The following ZDHHC18 variants were observed in gnomAD, a reference collection of about 807,000 sequenced individuals.
ZDHHC18 encodes palmitoyltransferase ZDHHC18.
Under a neutral mutation model 37.5 loss-of-function variants are expected in ZDHHC18, and 23 were observed. The observed-to-expected ratio is 0.61, with a 90% CI of 0.44 to 0.87. The LOEUF is 0.87. Among genes scored for constraint, ZDHHC18 ranks in the 40% least tolerant of loss-of-function variants. The pLI, the probability that ZDHHC18 is intolerant of heterozygous loss-of-function variation, is 0.00. For synonymous variants in ZDHHC18, 185 were observed against 218.7 expected, an observed-to-expected ratio of 0.85 and a Z score of 1.36; for missense variants, 406 against 525.6, an observed-to-expected ratio of 0.77 and a Z score of 2.22.
chr1:26,829,905 A>G (rs184128373), intron 1 of ZDHHC18, among the ~76,000 whole-genome samples: 1 of 152,242 alleles, frequency 6.6e-6, no homozygotes, highest in Admixed American at 6.5e-5. Flanking sequence ...CAAGTCTTAG[A>G]TTTCAAGTCT....
chr1:26,826,928 G>A lies in ZDHHC18; in HGVS notation c.124G>A (p.Ala42Thr). 9.4e-7 allele frequency: 1 copy of A among 1,060,076 alleles called. No individual in the cohort carries two copies. Among genetic ancestry groups the A allele is most frequent in the Non-Finnish European group, 1.1e-6 (1 of 879,288 alleles). The allele number at this position is 1,060,076 out of a possible 1,614,324, so 65.7% of individuals were successfully genotyped here. The change falls in exon 1 of 8, where the codon GCC becomes ACC. Residue 42 changes from alanine (A) to threonine (T), a missense_variant. Ala to Thr is a moderately conservative substitution (Grantham distance 58). Transcript: ENST00000374142. The surrounding 1 kb of genome is among the most constrained non-coding windows in gnomAD (Gnocchi z 5.2). ...GGGCCCCGGGCCCGCGCCGCCCGCC[G>A]CCCCCGCCCCGCCGCGCTGGAGCAG... is the stretch of plus-strand genomic sequence containing the variant. ...TPGPGPAPPA[A>T]PAPPRWSSSG...
chr1:26,853,906 C>T lies in ZDHHC18; in HGVS notation c.*63C>T. On this transcript the variant is annotated 3_prime_UTR_variant, in exon 8 of 8. Transcript: ENST00000374142. Reference sequence around the variant, plus strand: ...CCCTCCGCACTCACCTGCCGGGACCCTCCCTATTCCATCCAAGGGAAGCAG... The same window carrying T: ...CCCTCCGCACTCACCTGCCGGGACCTTCCCTATTCCATCCAAGGGAAGCAG... 1 of 1,403,210 alleles carries T rather than the reference C, an allele frequency of 7.1e-7. No individual in the cohort carries two copies. Among genetic ancestry groups the T allele is most frequent in the Non-Finnish European group, 1.0e-6 (1 of 1,001,922 alleles). 86.9% of individuals were successfully genotyped at this position (1,403,210 alleles called of 1,614,324 possible).
In ZDHHC18 at chr1:26,827,087, G is replaced by A; in HGVS notation, c.283G>A (p.Ala95Thr). Residue 95 changes from alanine (A) to threonine (T), a missense_variant, in exon 1 of 8, where the codon GCG becomes ACG. Physicochemically the swap from Ala to Thr is moderately conservative, Grantham distance 58. Coordinates refer to ENST00000374142, the MANE Select transcript of ZDHHC18 (RefSeq NM_032283.3). ...LMLAGHGGVF[A>T]LTLLLILTTT... Reference sequence around the variant, plus strand: ...GCTGGCCGGCCACGGCGGCGTCTTCGCGCTCACGCTGCTGCTCATCCTCAC... The same window carrying A: ...GCTGGCCGGCCACGGCGGCGTCTTCACGCTCACGCTGCTGCTCATCCTCAC... 1 of 1,394,044 alleles carries A rather than the reference G, an allele frequency of 7.2e-7. No individual in the cohort carries two copies. The allele number at this position is 1,394,044 out of a possible 1,614,324, so 86.4% of individuals were successfully genotyped here.
chr1:26,852,594 C>T (rs2081710949), intron 6 of ZDHHC18, among the ~76,000 whole-genome samples, 159 bp from the exon 7 acceptor site: 2 of 152,202 alleles, frequency 1.3e-5, no homozygotes, highest in African/African-American at 2.4e-5. Flanking sequence ...TGCCAGGGGT[C>T]CCCCACATTC....
rs2081558620 is a variant in ZDHHC18, at chr1:26,826,780, G to C, written c.-25G>C. ...GTGGCCCGGCCGGCCCGCGGGGCGCGGAGCCGAGGCCCGCGGCTGGCTGCA... is the reference window on the plus strand; with the variant it reads ...GTGGCCCGGCCGGCCCGCGGGGCGCCGAGCCGAGGCCCGCGGCTGGCTGCA... On this transcript the variant is annotated 5_prime_UTR_variant, in exon 1 of 8. Transcript: ENST00000374142. This position sits in a 1 kb window ranked among gnomAD's most constrained non-coding sequence, Gnocchi z 5.2. The C allele has an allele frequency of 1.0e-6, 1 of 973,192 alleles. No individual in the cohort carries two copies. Among genetic ancestry groups the C allele is most frequent in the African/African-American group, 1.8e-5 (1 of 56,582 alleles). The allele number at this position is 973,192 out of a possible 1,614,324, so 60.3% of individuals were successfully genotyped here.
chr1:26,837,303 C>CATATGTATAATATATAACATATTTA (rs1557641728), intron 2 of ZDHHC18, among the ~76,000 whole-genome samples: 33 of 145,988 alleles, frequency 2.3e-4, no homozygotes, highest in African/African-American at 7.0e-4. Flanking sequence ...ATATTTACTA[C>CATATGTATAATATATAACATATTTA]ATATGTATAA....
Position 26,830,770 on chromosome 1 carries a change from TTTGTTGTTG to T in ZDHHC18, c.336-1655_336-1647del, listed in dbSNP as rs67399497. On this transcript the variant is annotated intron_variant, in intron 1 of 7. Coordinates refer to ENST00000374142, the MANE Select transcript of ZDHHC18 (RefSeq NM_032283.3). Reference sequence around the variant, plus strand: ...AGGAGCTTATGTTTTTTTATGTTTGTTTGTTGTTGTTGTTGTTGTTGTTGTTGTTGAGAT... The same window carrying T: ...AGGAGCTTATGTTTTTTTATGTTTGTTTGTTGTTGTTGTTGTTGTTGAGAT... Among the ~76,000 whole-genome samples the T allele has an allele frequency of 3.6e-4, 54 of 150,550 alleles. 1 individual carries two copies. Among genetic ancestry groups the T allele is most frequent in the African/African-American group, 7.6e-4 (31 of 40,934 alleles).
rs2081724385 is a variant in ZDHHC18, at chr1:26,854,684, T to A, written c.*841T>A. ...TATTAATGCTGGGTATTTTGCACAA[T>A]TTTATAGACCTCTTTTCTACATAGT... On this transcript the variant is annotated 3_prime_UTR_variant, in exon 8 of 8. Transcript: ENST00000374142. This position sits in a 1 kb window ranked among gnomAD's most constrained non-coding sequence, Gnocchi z 4.6. 1 of 152,650 alleles carries A rather than the reference T, an allele frequency of 6.6e-6. No individual in the cohort carries two copies. The highest frequency in any genetic ancestry group is 2.4e-5 in the African/African-American group (1 of 41,460). The allele number at this position is 152,650 out of a possible 1,614,324, so 9.5% of individuals were successfully genotyped here.
At chr1:26,843,949 A>G (rs2081650848) in intron 2 of ZDHHC18, among the ~76,000 whole-genome samples, 1 of 152,172 alleles carries the variant, frequency 6.6e-6, no homozygotes, top group African/African-American at 2.4e-5. Flanking sequence ...TCCAAGGGTT[A>G]CACAATCCTA....
intron 2 of ZDHHC18, among the ~76,000 whole-genome samples, chr1:26,844,556 T>C (rs1039503371): frequency 1.3e-4 from 20 of 152,198 alleles, no homozygotes; most frequent in African/African-American, 4.3e-4. Context: ...CTCATGCACA[T>C]TGCTGTTGGG....
Position 26,850,673 on chromosome 1 carries a change from C to T in ZDHHC18, c.833+67C>T. 1.3e-6 allele frequency: 2 copies of T among 1,555,808 alleles called. No individual in the cohort carries two copies. The highest frequency in any genetic ancestry group is 2.3e-5 in the South Asian group (2 of 88,840). On this transcript the variant is annotated intron_variant, in intron 5 of 7. Coordinates refer to ENST00000374142, the MANE Select transcript of ZDHHC18 (RefSeq NM_032283.3). The surrounding 1 kb of genome is among the most constrained non-coding windows in gnomAD (Gnocchi z 6.1). ...GTCCCTTCACTGGGTGGGTGCCCTG[C>T]CTCATCCTCTAATCAGAAGGGAACA...
At chr1:26,842,989 A>G (rs1004601096) in intron 2 of ZDHHC18, among the ~76,000 whole-genome samples, 16 of 152,208 alleles carry the variant, frequency 1.1e-4, no homozygotes, top group African/African-American at 3.1e-4. Context: ...GCCACTGTTC[A>G]GGTTCTCTGT....
rs530820736 is a variant in ZDHHC18, at chr1:26,854,110, C to T, written c.*267C>T. ...AGCCTCTGGAGGCTACCCAGGGGAC[C>T]ACACCAAGTCCTTGCCTGTGCCGGG... On this transcript the variant is annotated 3_prime_UTR_variant, in exon 8 of 8. Transcript: ENST00000374142. The surrounding 1 kb of genome is among the most constrained non-coding windows in gnomAD (Gnocchi z 4.6). 1,119 of 452,828 alleles carry T rather than the reference C, an allele frequency of 2.5e-3. 8 individuals carry two copies. Among genetic ancestry groups the T allele is most frequent in the Non-Finnish European group, 3.9e-3 (958 of 247,398 alleles). 28.1% of individuals were successfully genotyped at this position (452,828 alleles called of 1,614,324 possible).
chr1:26,848,577 A>G (rs745651085), intron 2 of ZDHHC18, 31 bp from the exon 3 acceptor site: 6 of 1,598,618 alleles, frequency 3.8e-6, no homozygotes, highest in Admixed American at 1.7e-5. Context: ...TGCCTTGGGC[A>G]TTCCCCATCT....
intron 2 of ZDHHC18, among the ~76,000 whole-genome samples, 170 bp from the exon 3 acceptor site, chr1:26,848,438 A>G (rs1425354866): frequency 2.0e-5 from 3 of 152,128 alleles, no homozygotes; most frequent in Non-Finnish European, 2.9e-5. Flanking sequence ...GCAGTTCCTA[A>G]TATTTGTCCC....
In ZDHHC18 at chr1:26,832,346, G is replaced by C; in HGVS notation, c.336-101G>C. 2.1e-6 allele frequency: 3 copies of C among 1,451,446 alleles called. No homozygotes were observed. In the Admixed American group the frequency reaches 5.6e-5, roughly 27 times the overall value. The allele number at this position is 1,451,446 out of a possible 1,614,324, so 89.9% of individuals were successfully genotyped here. On this transcript the variant is annotated intron_variant, in intron 1 of 7. Transcript: ENST00000374142. ...AGAGCGAGGCTGTATTCAAGATTTT[G>C]GTGGTGGTTGTTGGAATGACAGCGC...
intron 2 of ZDHHC18, among the ~76,000 whole-genome samples, chr1:26,837,869 A>AC (rs765925931): frequency 6.6e-6 from 1 of 151,546 alleles, no homozygotes; most frequent in Non-Finnish European, 1.5e-5. Flanking sequence ...GGTCCCTGGC[A>AC]CCCCCAGCCA....
At chr1:26,830,404 C>T (rs1244683221) in intron 1 of ZDHHC18, among the ~76,000 whole-genome samples, 1 of 152,132 alleles carries the variant, frequency 6.6e-6, no homozygotes, top group Non-Finnish European at 1.5e-5. Context: ...TTCACAGGGT[C>T]CCAGTGAGGA....
At chr1:26,851,058 A>G in intron 5 of ZDHHC18, 71 bp from the exon 6 acceptor site, 1 of 1,386,346 alleles carries the variant, frequency 7.2e-7, no homozygotes, top group Non-Finnish European at 1.0e-6. Context: ...ATGGAAGGAT[A>G]GGTGAGACAG....
Sources: gnomAD v4.1 joint callset for allele counts (sites outside exome capture counted in the v4.1 genomes callset) on GRCh38, gnomAD v4.1.1 for gene constraint, Gnocchi (gnomAD v3.1) non-coding constraint, MANE v1.5 for transcripts, NCBI Gene and HGNC (gene_info 2026-07-23, HGNC 2026-07-21) for gene names.